XPO1: variants seen among roughly 807,000 people sequenced by gnomAD.
XPO1 encodes exportin-1.
XPO1 carries 5 observed loss-of-function variants against 133.3 expected under a neutral mutation model. That is an observed-to-expected ratio of 0.04 (90% CI 0.02 to 0.08). XPO1 has a LOEUF of 0.08. Among genes scored for constraint, XPO1 ranks in the 10% least tolerant of loss-of-function variants. The pLI, the probability that XPO1 is intolerant of heterozygous loss-of-function variation, is 1.00. For synonymous variants in XPO1, 419 were observed against 408.2 expected, an observed-to-expected ratio of 1.03 and a Z score of -0.32; for missense variants, 506 against 1,267.5, an observed-to-expected ratio of 0.40 and a Z score of 9.12.
At chr2:61,502,176 A>C (rs1276763119) in intron 5 of XPO1, 73 bp downstream of exon 5, 3 of 1,561,448 alleles carry the variant, frequency 1.9e-6, no homozygotes, top group Non-Finnish European at 8.7e-7. Flanking sequence ...GTCTTGACAG[A>C]ATTAGGTTGT....
chr2:61,509,975 C>CAG (rs375737451), intron 4 of XPO1, among the ~76,000 whole-genome samples: 96 of 152,222 alleles, frequency 6.3e-4, no homozygotes, highest in African/African-American at 2.2e-3. Context: ...TTACAAGTAT[C>CAG]AGTCCATGAA....
At chr2:61,503,647 ATC>A (rs1352980150) in intron 4 of XPO1, among the ~76,000 whole-genome samples, 3 of 151,208 alleles carry the variant, frequency 2.0e-5, no homozygotes, top group African/African-American at 4.9e-5. Context: ...GATGGTCTCG[ATC>A]TCCTGACCTC....
At chr2:61,497,154 A>G (rs1253155893) in intron 9 of XPO1, 147 bp from the exon 10 acceptor site, 1 of 1,078,670 alleles carries the variant, frequency 9.3e-7, no homozygotes, top group Non-Finnish European at 1.3e-6. Flanking sequence ...ATATTTTATC[A>G]TGCAGATATA....
At chr2:61,509,012 CTGAT>C (rs1189930205) in intron 4 of XPO1, among the ~76,000 whole-genome samples, 11 of 152,072 alleles carry the variant, frequency 7.2e-5, no homozygotes, top group African/African-American at 2.7e-4. Context: ...GATTGACTGA[CTGAT>C]TGAGATGGAG....
intron 1 of XPO1, among the ~76,000 whole-genome samples, chr2:61,535,550 T>C (rs543192073): frequency 6.6e-6 from 1 of 152,300 alleles, no homozygotes; most frequent in South Asian, 2.1e-4. Context: ...AAAATGTCCA[T>C]AACAATAATG....
In XPO1 at chr2:61,526,459, G is replaced by A. The variant is rs769897503; in HGVS notation, c.189C>T (p.Val63=). The stretch of plus-strand genomic sequence containing the variant: ...TCTGAGAAAATTCCAAAATTGTGTC[G>A]ACTCTTGTCCAAGCATCAGGATGCT... The part of the protein sequence containing the change: ...LKEHPDAWTR[V]DTILEFSQNM... Residue 63 remains valine (V), a synonymous_variant, in exon 3 of 25, where the codon GTC becomes GTT. Coordinates refer to ENST00000401558, the MANE Select transcript of XPO1 (RefSeq NM_003400.4). 2.7e-5 allele frequency: 44 copies of A among 1,608,822 alleles called. No homozygotes were observed. Among genetic ancestry groups the A allele is most frequent in the Middle Eastern group, 1.6e-4 (1 of 6,072 alleles).
rs1238975062 is a variant in XPO1, at chr2:61,484,055, C to G, written c.2559G>C (p.Gln853His). ...EHRTNFFLLL[Q>H]AVNSHCFPAF... ...CTGGGAAACAATGAGAATTGACAGC[C>G]TGAAGTAGTAAGAAAAAGTTCGTTC... Residue 853 changes from glutamine to histidine, a missense_variant, in exon 21 of 25, where the codon CAG becomes CAC. This residue lies in a region of XPO1 where 203 missense variants were observed against 365.9 expected (regional missense o/e 0.55). Coordinates refer to ENST00000401558, the MANE Select transcript of XPO1 (RefSeq NM_003400.4). 6.2e-7 allele frequency: 1 copy of G among 1,613,734 alleles called. No individual in the cohort carries two copies. The highest frequency in any genetic ancestry group is 1.3e-5 in the African/African-American group (1 of 74,888).
chr2:61,495,668 C>T, intron 10 of XPO1, 55 bp from the exon 11 acceptor site: 1 of 1,442,374 alleles, frequency 6.9e-7, no homozygotes, highest in Non-Finnish European at 9.2e-7. Flanking sequence ...ACTAAAGACA[C>T]TTAATATTTT....
At chr2:61,491,849 G>GT (rs1348352521) in intron 16 of XPO1, among the ~76,000 whole-genome samples, 186 bp downstream of exon 16, 3 of 152,182 alleles carry the variant, frequency 2.0e-5, no homozygotes, top group Admixed American at 2.0e-4. Context: ...GCAGTGAGCC[G>GT]TAATTGTGCC....
At chr2:61,504,052 A>G (rs1697677768) in intron 4 of XPO1, among the ~76,000 whole-genome samples, 1 of 152,206 alleles carries the variant, frequency 6.6e-6, no homozygotes, top group African/African-American at 2.4e-5. Flanking sequence ...CTCAAAAATG[A>G]ATTAATATAC....
intron 10 of XPO1, 93 bp from the exon 11 acceptor site, chr2:61,495,706 ACT>A: frequency 7.7e-7 from 1 of 1,305,112 alleles, no homozygotes; most frequent in Non-Finnish European, 1.0e-6. Flanking sequence ...ACAAGGTATC[ACT>A]CTGTCCAGGC....
At chr2:61,517,452 G>A (rs1198068046) in intron 4 of XPO1, among the ~76,000 whole-genome samples, 1 of 152,172 alleles carries the variant, frequency 6.6e-6, no homozygotes, top group Admixed American at 6.6e-5. Flanking sequence ...GGGTGTGGTG[G>A]CACATGCCTG....
At chr2:61,490,357 C>T (rs528712765) in intron 17 of XPO1, among the ~76,000 whole-genome samples, 1 of 152,082 alleles carries the variant, frequency 6.6e-6, no homozygotes, top group African/African-American at 2.4e-5. Context: ...TGCAACCACG[C>T]CCAGCTAATT....
rs1173143917 is a variant in XPO1 at position 61,488,606 on chromosome 2, C to A, written c.2188G>T (p.Ala730Ser). The change falls in exon 18 of 25, where the codon GCA (alanine) becomes TCA (serine). Residue 730 changes from alanine to serine, a missense_variant. Transcript: ENST00000401558. ...CACCTACCATTAGCTTGGATAGCTG[C>A]AGAAATATTTTCACTGAGGCACTTG... ...VYKCLSENIS[A>S]AIQANGEMVT... 1.2e-6 allele frequency: 2 copies of A among 1,613,382 alleles called. No homozygotes were observed. The highest frequency in any genetic ancestry group is 1.7e-6 in the Non-Finnish European group (2 of 1,179,688).
chr2:61,531,479 T>C (rs915151603), intron 2 of XPO1, among the ~76,000 whole-genome samples: 1 of 152,226 alleles, frequency 6.6e-6, no homozygotes, highest in Admixed American at 6.5e-5. Context: ...CTGTAATATA[T>C]TCTCAATTAC....
rs1257031644 is a variant in XPO1, at chr2:61,493,831, TG to T, written c.1245+62del. 21 of 1,532,026 alleles carry T rather than the reference TG, an allele frequency of 1.4e-5. No individual in the cohort carries two copies. In the African/African-American group the frequency reaches 2.5e-4, roughly 18 times the overall value. 94.9% of individuals were successfully genotyped at this position (1,532,026 alleles called of 1,614,324 possible). A position where few individuals can be genotyped will look rare whatever the true frequency, so the allele number is the denominator to read the frequency against. ...TTTATTTACACAGATTAGAAGTATT[TG>T]GATTCAGACCTCAAAACCACAGTAT... is the stretch of plus-strand genomic sequence containing the variant. On this transcript the variant is annotated intron_variant, in intron 12 of 24. Coordinates refer to ENST00000401558, the MANE Select transcript of XPO1 (RefSeq NM_003400.4).
At chr2:61,526,025 G>T in intron 3 of XPO1, 1 of 1,065,274 alleles carries the variant, frequency 9.4e-7, no homozygotes. Flanking sequence ...CATGGAGTAG[G>T]GTTTTAAGCT....
intron 4 of XPO1, among the ~76,000 whole-genome samples, chr2:61,513,008 T>G (rs748803212): frequency 6.6e-6 from 1 of 152,024 alleles, no homozygotes; most frequent in Middle Eastern, 3.2e-3. Context: ...CAAATAAATA[T>G]ATAAACCTTG....
chr2:61,512,390 A>G (rs539281743), intron 4 of XPO1, among the ~76,000 whole-genome samples: 1 of 152,236 alleles, frequency 6.6e-6, no homozygotes, highest in Non-Finnish European at 1.5e-5. Flanking sequence ...TAGTCAACGA[A>G]CTATGAAAAG....
Sources: allele counts gnomAD v4.1 joint callset (sites outside exome capture counted in the v4.1 genomes callset), GRCh38; gene constraint gnomAD v4.1.1; regional missense constraint gnomAD v4.1.1; transcripts MANE v1.5; gene names NCBI Gene and HGNC (gene_info 2026-07-23, HGNC 2026-07-21).